Variants in RASAL2 observed in about 807,000 individuals in gnomAD.
RASAL2 encodes ras GTPase-activating protein nGAP.
In RASAL2, 58 loss-of-function variants were observed where a neutral mutation model predicts 128.9. That is an observed-to-expected ratio of 0.45 (90% CI 0.36 to 0.56). The LOEUF is 0.56. Among genes scored for constraint, RASAL2 ranks in the 20% least tolerant of loss-of-function variants. RASAL2 has a pLI of 0.00. For synonymous variants in RASAL2, 561 were observed against 580.8 expected (o/e 0.97, Z 0.49); for missense variants, 1,360 against 1,601.6 (o/e 0.85, Z 2.57).
intron 1 of RASAL2, among the ~76,000 whole-genome samples, chr1:178,252,829 A>G (rs556503018): frequency 3.9e-5 from 6 of 152,314 alleles, no homozygotes; most frequent in South Asian, 4.1e-4. Context: ...CCAGTTCGTC[A>G]GCAATTCTTA....
chr1:178,300,687 T>A (rs1008002496), intron 3 of RASAL2, among the ~76,000 whole-genome samples: 1 of 152,246 alleles, frequency 6.6e-6, no homozygotes, highest in African/African-American at 2.4e-5. Flanking sequence ...TCCATTGTTA[T>A]ATACTAAAGG....
At chr1:178,121,159 A>G (rs1659704289) in intron 1 of RASAL2, 1 of 152,112 alleles carries the variant, frequency 6.6e-6, no homozygotes, top group Non-Finnish European at 1.5e-5. Context: ...AAATCAGTAC[A>G]TTTTCCTTTT....
intron 1 of RASAL2, among the ~76,000 whole-genome samples, chr1:178,257,423 A>ATGTGTGTGTGTGTGTGTG (rs71108037): frequency 0.012 from 1,715 of 147,194 alleles, 13 homozygotes; most frequent in East Asian, 0.033. Context: ...GCTCAGGGAT[A>ATGTGTGTGTGTGTGTGTG]TGTGTGTGTG....
chr1:178,281,247 T>A (rs973071560), intron 1 of RASAL2, among the ~76,000 whole-genome samples: 24 of 152,042 alleles, frequency 1.6e-4, no homozygotes, highest in Admixed American at 5.2e-4. Context: ...AATTTTTTTT[T>A]AATATAGAAG....
At chr1:178,150,478 G>T (rs1308970410) in intron 1 of RASAL2, among the ~76,000 whole-genome samples, 2 of 152,058 alleles carry the variant, frequency 1.3e-5, no homozygotes, top group Non-Finnish European at 2.9e-5. Context: ...GATCCACTGC[G>T]CTCTTGGCCT....
At chr1:178,135,782 G>C (rs1352772731) in intron 1 of RASAL2, among the ~76,000 whole-genome samples, 1 of 152,170 alleles carries the variant, frequency 6.6e-6, no homozygotes, top group African/African-American at 2.4e-5. Context: ...GCAAGGAGGA[G>C]CAAGTCCCAT....
intron 3 of RASAL2, among the ~76,000 whole-genome samples, chr1:178,374,045 T>A (rs535282837): frequency 1.4e-4 from 21 of 152,154 alleles, no homozygotes; most frequent in Non-Finnish European, 2.5e-4. Flanking sequence ...GACAGCAATG[T>A]ATCCCATGCT....
In RASAL2 at chr1:178,329,847, T is replaced by G. The variant is rs1669205579; in HGVS notation, c.457+29729T>G. On this transcript the variant is annotated intron_variant, in intron 3 of 17. Transcript: ENST00000367649. ...GGTGACAGAGCGAGATCCTGTCTCTTAAAAAAAAAAGGACAAGAGAAAGAC... is the reference window on the plus strand; with the variant it reads ...GGTGACAGAGCGAGATCCTGTCTCTGAAAAAAAAAAGGACAAGAGAAAGAC... Among the ~76,000 whole-genome samples, 6 of 146,620 alleles carry G rather than the reference T, an allele frequency of 4.1e-5. No individual in the cohort carries two copies. In the South Asian group the frequency reaches 1.3e-3, roughly 32 times the overall value.
chr1:178,436,681 A>G (rs1030344457), intron 5 of RASAL2, among the ~76,000 whole-genome samples: 1 of 152,144 alleles, frequency 6.6e-6, no homozygotes, highest in Non-Finnish European at 1.5e-5. Flanking sequence ...GGAATTGTAT[A>G]TGAAGCAAGC....
At chr1:178,333,460 A>T (rs1259821026) in intron 3 of RASAL2, among the ~76,000 whole-genome samples, 4 of 152,116 alleles carry the variant, frequency 2.6e-5, no homozygotes, top group Non-Finnish European at 5.9e-5. Context: ...TAACCCATTT[A>T]TGCCTAGTGT....
intron 1 of RASAL2, among the ~76,000 whole-genome samples, chr1:178,246,969 A>G (rs1433309464): frequency 6.6e-6 from 1 of 152,192 alleles, no homozygotes; most frequent in Non-Finnish European, 1.5e-5. Context: ...TCAGTTTGCC[A>G]GTATTTTATT....
At chr1:178,165,950 A>G (rs1661502914) in intron 1 of RASAL2, among the ~76,000 whole-genome samples, 1 of 152,062 alleles carries the variant, frequency 6.6e-6, no homozygotes, top group Non-Finnish European at 1.5e-5. Flanking sequence ...CGGGAATTAC[A>G]TTTATAAGCT....
chr1:178,208,030 TTA>T (rs1020415557), intron 1 of RASAL2, among the ~76,000 whole-genome samples: 2 of 152,230 alleles, frequency 1.3e-5, no homozygotes, highest in Non-Finnish European at 2.9e-5. Flanking sequence ...TATCTTTACT[TTA>T]ATCTCTTAAT....
intron 3 of RASAL2, among the ~76,000 whole-genome samples, chr1:178,385,199 C>G (rs147542078): frequency 2.3e-4 from 35 of 152,192 alleles, no homozygotes; most frequent in African/African-American, 7.5e-4. Context: ...AAGCCTGTAA[C>G]CCTAGCACTT....
chr1:178,222,488 C>G (rs1258822493), intron 1 of RASAL2, among the ~76,000 whole-genome samples: 1 of 151,970 alleles, frequency 6.6e-6, no homozygotes, highest in Non-Finnish European at 1.5e-5. Context: ...TCAAATAACA[C>G]TGTATCATTT....
intron 1 of RASAL2, among the ~76,000 whole-genome samples, chr1:178,132,916 GT>G (rs1660175414): frequency 6.6e-6 from 1 of 151,906 alleles, no homozygotes; most frequent in African/African-American, 2.4e-5. Context: ...CCGCAGGTAT[GT>G]GCCACCATAC....
chr1:178,265,222 A>G (rs913033573), intron 1 of RASAL2, among the ~76,000 whole-genome samples: 3 of 152,122 alleles, frequency 2.0e-5, no homozygotes, highest in Admixed American at 1.3e-4. Flanking sequence ...ATGGAACTAT[A>G]TAGTCATGGT....
intron 1 of RASAL2, among the ~76,000 whole-genome samples, chr1:178,236,262 C>G (rs75186700): frequency 0.044 from 6,675 of 152,150 alleles, 481 homozygotes; most frequent in African/African-American, 0.15. Flanking sequence ...TAAGCTACCC[C>G]AACCTATAAT....
chr1:178,278,952 ATTG>A (rs1269865398), intron 1 of RASAL2, among the ~76,000 whole-genome samples: 2 of 152,216 alleles, frequency 1.3e-5, no homozygotes, highest in Non-Finnish European at 2.9e-5. Flanking sequence ...ATCTATTGTT[ATTG>A]TTGTTGTTTC....
Sources: allele counts gnomAD v4.1 joint callset (sites outside exome capture counted in the v4.1 genomes callset), GRCh38; gene constraint gnomAD v4.1.1; transcripts MANE v1.5; gene names NCBI Gene and HGNC (gene_info 2026-07-23, HGNC 2026-07-21).